Variants in DLGAP1 observed in about 807,000 individuals in gnomAD.
DLGAP1 encodes the protein DLG associated protein 1.
Under a neutral mutation model 90.8 loss-of-function variants are expected in DLGAP1, and 11 were observed. The observed-to-expected ratio is 0.12, with a 90% confidence interval of 0.08 to 0.20. The LOEUF (loss-of-function observed/expected upper bound fraction) is 0.20, where lower values mean the gene tolerates loss of function less well. Among genes scored for constraint, DLGAP1 ranks in the 10% least tolerant of loss-of-function variants. The pLI is 1.00. For missense variants in DLGAP1, 1,050 were observed against 1,333.8 expected, an observed-to-expected ratio of 0.79 and a Z score of 3.31; for synonymous variants, 558 against 540.7, an observed-to-expected ratio of 1.03 and a Z score of -0.44.
chr18:3,593,131 C>G (rs1003697981), intron 7 of DLGAP1, among the ~76,000 whole-genome samples: 1 of 152,032 alleles, frequency 6.6e-6, no homozygotes, highest in South Asian at 2.1e-4. Context: ...CCCCGCCCCC[C>G]GCCAGTAAAC....
At chr18:4,065,427 A>G (rs1321267532) in intron 2 of DLGAP1, among the ~76,000 whole-genome samples, 3 of 152,036 alleles carry the variant, frequency 2.0e-5, no homozygotes, top group African/African-American at 7.2e-5. Context: ...AAAACCCCAT[A>G]GTCTCAGCCC....
At chr18:3,779,446 A>C (rs2065086735) in intron 5 of DLGAP1, among the ~76,000 whole-genome samples, 1 of 152,100 alleles carries the variant, frequency 6.6e-6, no homozygotes, top group African/African-American at 2.4e-5. Context: ...TTAAGCCCAA[A>C]CCCATAGTAA....
intron 5 of DLGAP1, among the ~76,000 whole-genome samples, chr18:3,800,660 GA>G (rs1359346017): frequency 6.6e-6 from 1 of 151,964 alleles, no homozygotes; most frequent in African/African-American, 2.4e-5. Flanking sequence ...ATGAAGAGGG[GA>G]GGGGGACTTT....
chr18:3,953,837 T>A (rs1391972672), intron 3 of DLGAP1, among the ~76,000 whole-genome samples: 1 of 152,220 alleles, frequency 6.6e-6, no homozygotes, highest in Non-Finnish European at 1.5e-5. Flanking sequence ...GCATCTGATA[T>A]TTCAATCAGT....
Position 3,642,608 on chromosome 18 carries a change from T to C in DLGAP1, c.1592-60360A>G, listed in dbSNP as rs1251908987. 2.0e-5 allele frequency among the ~76,000 whole-genome samples: 3 copies of C among 152,234 alleles called. No homozygotes were observed. The East Asian group carries it at 5.8e-4, about 29-fold the overall frequency. ...GCTAGTACCTTTTCCATGCCTTTTTTGGTTTTCTCCTCTACAAATCAAGGG... is the reference window on the plus strand; with the variant it reads ...GCTAGTACCTTTTCCATGCCTTTTTCGGTTTTCTCCTCTACAAATCAAGGG... On this transcript the variant is annotated intron_variant, in intron 7 of 12. Coordinates refer to ENST00000315677, the MANE Select transcript of DLGAP1 (RefSeq NM_004746.4).
At chr18:4,432,572 C>T (rs937162762) in intron 1 of DLGAP1, among the ~76,000 whole-genome samples, 25 of 148,674 alleles carry the variant, frequency 1.7e-4, no homozygotes, top group Non-Finnish European at 4.5e-5. Context: ...CAAGCTAACA[C>T]ATCCATCACC....
chr18:3,910,917 T>C (rs1199040406), intron 3 of DLGAP1, among the ~76,000 whole-genome samples: 3 of 152,206 alleles, frequency 2.0e-5, no homozygotes, highest in East Asian at 3.8e-4. Context: ...AAGATTTCTA[T>C]AAAACCTGTA....
intron 3 of DLGAP1, among the ~76,000 whole-genome samples, chr18:3,898,934 G>T (rs1334376064): frequency 6.6e-6 from 1 of 151,026 alleles, no homozygotes; most frequent in African/African-American, 2.5e-5. Flanking sequence ...TAAAGTAAAG[G>T]ATTCTAGCAA....
intron 1 of DLGAP1, among the ~76,000 whole-genome samples, chr18:4,423,493 G>C (rs1460036977): frequency 6.6e-6 from 1 of 152,038 alleles, no homozygotes; most frequent in Non-Finnish European, 1.5e-5. Flanking sequence ...TTGTAGGTTG[G>C]AATTTTCAAC....
At chr18:4,125,642 A>AAAAC (rs200626860) in intron 2 of DLGAP1, among the ~76,000 whole-genome samples, 4 of 142,100 alleles carry the variant, frequency 2.8e-5, no homozygotes, top group South Asian at 2.3e-4. Flanking sequence ...CAAACAAACA[A>AAAAC]AAACAAACAA....
Position 3,518,000 on chromosome 18 carries a change from A to G in DLGAP1, c.2480-9339T>C, listed in dbSNP as rs2144071964. On this transcript the variant is annotated intron_variant, in intron 10 of 12. Coordinates refer to ENST00000315677, the MANE Select transcript of DLGAP1 (RefSeq NM_004746.4). This position sits in a 1 kb window ranked among gnomAD's most constrained non-coding sequence, Gnocchi z 4.1. ...TGGGTAGCACTTTTCATTTCCTTCA[A>G]GAAGTTTTCCTTTGTATTCACAACT... Among the ~76,000 whole-genome samples, 1 of 152,290 alleles carries G rather than the reference A, an allele frequency of 6.6e-6. No individual in the cohort carries two copies. Among genetic ancestry groups the G allele is most frequent in the Middle Eastern group, 3.4e-3 (1 of 294 alleles).
At chr18:4,120,607 AAT>A in intron 2 of DLGAP1, among the ~76,000 whole-genome samples, 1 of 152,308 alleles carries the variant, frequency 6.6e-6, no homozygotes, top group South Asian at 2.1e-4. Context: ...AACAGATCAA[AAT>A]ATGGCAGAGT....
At chr18:3,662,982 T>C (rs931239539) in intron 7 of DLGAP1, among the ~76,000 whole-genome samples, 36 of 152,162 alleles carry the variant, frequency 2.4e-4, no homozygotes, top group African/African-American at 8.2e-4. Context: ...GGTAAGAACC[T>C]GAATCTCGGC....
intron 1 of DLGAP1, among the ~76,000 whole-genome samples, chr18:4,338,230 G>A (rs1302052595): frequency 6.6e-6 from 1 of 152,076 alleles, no homozygotes; most frequent in Non-Finnish European, 1.5e-5. Context: ...CATTTTTACT[G>A]TTAAAGGATT....
chr18:3,943,668 T>G (rs2072818086), intron 3 of DLGAP1, among the ~76,000 whole-genome samples: 1 of 152,222 alleles, frequency 6.6e-6, no homozygotes, highest in African/African-American at 2.4e-5. Flanking sequence ...TAATTCATTT[T>G]TTCTTTCTAA....
At chr18:3,730,552 C>T (rs1198858670) in intron 6 of DLGAP1, among the ~76,000 whole-genome samples, 6 of 152,054 alleles carry the variant, frequency 3.9e-5, no homozygotes, top group African/African-American at 1.4e-4. Flanking sequence ...CCTTCCAGGA[C>T]ATCTTATCTC....
chr18:3,600,745 T>G lies in DLGAP1; in HGVS notation c.1592-18497A>C, dbSNP rs1365507873. Among the ~76,000 whole-genome samples the G allele has an allele frequency of 4.0e-4, 26 of 65,312 alleles. 1 individual carries two copies. The highest frequency in any genetic ancestry group is 9.4e-4 in the Admixed American group (6 of 6,372). 42.8% of individuals were successfully genotyped at this position (65,312 alleles called of 152,430 possible). A position where few individuals can be genotyped will look rare whatever the true frequency, so the allele number is the denominator to read the frequency against. On this transcript the variant is annotated intron_variant, in intron 7 of 12. Transcript: ENST00000315677. ...AGAGATATAGATATATATAGATATA[T>G]AGATATATATAGATATATAGATATA...
chr18:3,782,796 T>C (rs1340732670), intron 5 of DLGAP1, among the ~76,000 whole-genome samples: 1 of 152,234 alleles, frequency 6.6e-6, no homozygotes, highest in Non-Finnish European at 1.5e-5. Context: ...TTCTTGTTTT[T>C]TAAATGTTGG....
At chr18:4,389,318 C>T (rs472808) in intron 1 of DLGAP1, among the ~76,000 whole-genome samples, 137,712 of 151,860 alleles carry the variant, frequency 0.91, 62,815 homozygotes, top group East Asian at 1. Flanking sequence ...GTCAAATTCA[C>T]AGCAAGAGAA....
Sources: allele counts gnomAD v4.1 joint callset (sites outside exome capture counted in the v4.1 genomes callset), GRCh38; gene constraint gnomAD v4.1.1; non-coding constraint Gnocchi (gnomAD v3.1); transcripts MANE v1.5; gene names NCBI Gene and HGNC (gene_info 2026-07-23, HGNC 2026-07-21).